The following C12orf50 variants were observed in gnomAD, a reference collection of about 807,000 sequenced individuals.
The protein encoded by C12orf50 is uncharacterized protein C12orf50.
C12orf50 carries 35 observed loss-of-function variants against 61.6 expected under a neutral mutation model. The observed-to-expected ratio is 0.57, with a 90% CI of 0.43 to 0.75. The LOEUF (loss-of-function observed/expected upper bound fraction) is 0.75, where lower values mean the gene tolerates loss of function less well. Among genes scored for constraint, C12orf50 ranks in the 30% least tolerant of loss-of-function variants. The pLI is 0.00. For synonymous variants in C12orf50, 178 were observed against 161.5 expected (o/e 1.10, Z -0.77); for missense variants, 475 against 488.5 (o/e 0.97, Z 0.26).
At chr12:88,008,353 A>T (rs924134393) in intron 3 of C12orf50, among the ~76,000 whole-genome samples, 22 of 152,270 alleles carry the variant, frequency 1.4e-4, no homozygotes, top group African/African-American at 5.3e-4. Flanking sequence ...GCTAAGGATG[A>T]TGGCCTCCAA....
chr12:88,029,785 C>A (rs545937205), upstream of C12orf50, among the ~76,000 whole-genome samples: 1 of 152,072 alleles, frequency 6.6e-6, no homozygotes, highest in Non-Finnish European at 1.5e-5. Context: ...TATGTACTCT[C>A]TACTATCCAT....
chr12:88,011,750 G>C lies in C12orf50; in HGVS notation c.134-13560C>G, dbSNP rs538502337. Among the ~76,000 whole-genome samples the C allele has an allele frequency of 2.6e-5, 4 of 152,222 alleles. No homozygotes were observed. In the East Asian group the frequency reaches 7.7e-4, roughly 29 times the overall value. On this transcript the variant is annotated intron_variant, in intron 3 of 12. Coordinates refer to ENST00000298699, the MANE Select transcript of C12orf50 (RefSeq NM_152589.3). Reference sequence around the variant, plus strand: ...TGGAGTAACTGTAGTACATAGAGAAGGACACCTAGCTCAGAACTAAGGGTT... The same window carrying C: ...TGGAGTAACTGTAGTACATAGAGAACGACACCTAGCTCAGAACTAAGGGTT...
intron 4 of C12orf50, among the ~76,000 whole-genome samples, chr12:87,997,231 T>G (rs1317495713): frequency 6.6e-6 from 1 of 152,140 alleles, no homozygotes; most frequent in African/African-American, 2.4e-5. Flanking sequence ...TTATAGATTA[T>G]TAACTACTAC....
chr12:87,987,823 CA>C (rs2030904669), intron 9 of C12orf50, 26 bp downstream of exon 9: 1 of 1,439,432 alleles, frequency 6.9e-7, no homozygotes, highest in Non-Finnish European at 9.7e-7. Context: ...TATCTGAGGC[CA>C]AAAAGTGATA....
chr12:88,014,330 C>G (rs1363983090), intron 3 of C12orf50, among the ~76,000 whole-genome samples: 1 of 152,020 alleles, frequency 6.6e-6, no homozygotes, highest in African/African-American at 2.4e-5. Context: ...GAGACAGAGT[C>G]TCGCTCTGTT....
intron 8 of C12orf50, among the ~76,000 whole-genome samples, 197 bp from the exon 9 acceptor site, chr12:87,988,163 C>A (rs1397670343): frequency 2.0e-5 from 3 of 151,910 alleles, no homozygotes; most frequent in East Asian, 3.9e-4. Flanking sequence ...AGTAACAAAA[C>A]AAAACTCGGA....
At chr12:88,014,792 A>G (rs2032249647) in intron 3 of C12orf50, among the ~76,000 whole-genome samples, 1 of 152,218 alleles carries the variant, frequency 6.6e-6, no homozygotes, top group Admixed American at 6.5e-5. Flanking sequence ...ATTATCCAGC[A>G]TAGCGCTGCC....
chr12:87,986,231 T>A, intron 10 of C12orf50, 81 bp downstream of exon 10: 1 of 1,263,972 alleles, frequency 7.9e-7, no homozygotes, highest in Non-Finnish European at 1.1e-6. Flanking sequence ...GACAGTAATT[T>A]GTTTTTCAGG....
At chr12:88,025,047 G>A (rs758837494) in intron 3 of C12orf50, among the ~76,000 whole-genome samples, 12 of 151,968 alleles carry the variant, frequency 7.9e-5, no homozygotes, top group Non-Finnish European at 4.4e-5. Flanking sequence ...TTATTGCAAC[G>A]GGAAAAAAAC....
At position 87,983,018 on chromosome 12, in the gene C12orf50, A is replaced by G. The variant is rs34413824; in HGVS notation, c.1219+85T>C. 8.0e-3 allele frequency: 5,741 copies of G among 719,668 alleles called. 260 individuals are homozygous for G. In the African/African-American group the frequency reaches 0.093, roughly 12 times the overall value. 44.6% of individuals were successfully genotyped at this position (719,668 alleles called of 1,614,324 possible). A position where few individuals can be genotyped will look rare whatever the true frequency, so the allele number is the denominator to read the frequency against. On this transcript the variant is annotated intron_variant, in intron 12 of 12. Transcript: ENST00000298699. ...TATCTTGAAATTTTTATTTATCTTC[A>G]TGTTTTCTAAAACACTCCTTGCACT...
chr12:87,999,917 T>C (rs892824714), intron 3 of C12orf50, among the ~76,000 whole-genome samples: 2 of 152,052 alleles, frequency 1.3e-5, no homozygotes, highest in Admixed American at 6.6e-5. Flanking sequence ...GAGGAAAAAG[T>C]CATTCACAAA....
intron 3 of C12orf50, among the ~76,000 whole-genome samples, chr12:88,000,503 C>A (rs1364185524): frequency 6.6e-6 from 1 of 151,690 alleles, no homozygotes; most frequent in Non-Finnish European, 1.5e-5. Flanking sequence ...TTCCATTTTC[C>A]TGATTTTTTT....
chr12:88,026,166 T>C (rs2032699349), intron 3 of C12orf50, among the ~76,000 whole-genome samples: 1 of 152,176 alleles, frequency 6.6e-6, no homozygotes, highest in South Asian at 2.1e-4. Flanking sequence ...AAGCTTGGCT[T>C]CAGTTGTGCG....
rs765651311 is a variant in C12orf50 at position 87,998,051 on chromosome 12, T to G, written c.273A>C (p.Glu91Asp). The G allele has an allele frequency of 2.5e-6, 4 of 1,610,728 alleles. No individual in the cohort carries two copies. The highest frequency in any genetic ancestry group is 2.5e-6 in the Non-Finnish European group (3 of 1,178,442). The change falls in exon 4 of 13, where the codon GAA (glutamate) becomes GAC (aspartate). Residue 91 changes from glutamate to aspartate, a missense_variant. Coordinates refer to ENST00000298699, the MANE Select transcript of C12orf50 (RefSeq NM_152589.3). ...VLKTNFEEEE[E>D]VDEQNDASSL... ...TCTACTAACCATTTTGTTCATCTAC[T>G]TCCTCTTCTTCCTCAAAATTAGTTT...
chr12:87,987,934 G>C lies in C12orf50; in HGVS notation c.733C>G (p.Leu245Val). 2 of 1,610,584 alleles carry C rather than the reference G, an allele frequency of 1.2e-6. No individual in the cohort carries two copies. The highest frequency in any genetic ancestry group is 1.7e-6 in the Non-Finnish European group (2 of 1,177,546). ...NKDSPHPKHS[L>V]TTRLVPTTHV... ...GTTGTAGGTACTAGTCGGGTAGTTA[G>C]GGAATGCTTTGGATGAGGACTGTCC... is the stretch of plus-strand genomic sequence containing the variant. The change falls in exon 9 of 13, where the codon CTA becomes GTA. Residue 245 changes from leucine to valine, a missense_variant. Physicochemically the swap from Leu to Val is conservative, Grantham distance 32. Transcript: ENST00000298699.
At chr12:88,022,775 A>G (rs1226181389) in intron 3 of C12orf50, among the ~76,000 whole-genome samples, 2 of 152,196 alleles carry the variant, frequency 1.3e-5, no homozygotes, top group African/African-American at 4.8e-5. Context: ...AAAGAATAAT[A>G]TATCTAGGAA....
chr12:87,993,882 A>T (rs1467386922), intron 7 of C12orf50, among the ~76,000 whole-genome samples: 1 of 152,172 alleles, frequency 6.6e-6, no homozygotes, highest in African/African-American at 2.4e-5. Flanking sequence ...AATGATATAT[A>T]TTTGAATATA....
chr12:88,018,313 C>A (rs1022919154), intron 3 of C12orf50, among the ~76,000 whole-genome samples: 2 of 152,232 alleles, frequency 1.3e-5, no homozygotes, highest in Non-Finnish European at 2.9e-5. Flanking sequence ...CAAGCCTTGA[C>A]AGCTTCCATG....
At position 88,005,633 on chromosome 12, in the gene C12orf50, AT is replaced by A. The variant is rs770837360; in HGVS notation, c.134-7444del. Among the ~76,000 whole-genome samples the A allele has an allele frequency of 9.2e-5, 14 of 152,186 alleles. No homozygotes were observed. The South Asian group carries it at 1.7e-3, about 18-fold the overall frequency. ...GAACTCTTTTTATTTTATGTTATTT[AT>A]TTTATTTATTTATTTATTTTTTGGA... On this transcript the variant is annotated intron_variant, in intron 3 of 12. Coordinates refer to ENST00000298699, the MANE Select transcript of C12orf50 (RefSeq NM_152589.3).
Sources: gnomAD v4.1 joint callset for allele counts (sites outside exome capture counted in the v4.1 genomes callset) on GRCh38, gnomAD v4.1.1 for gene constraint, MANE v1.5 for transcripts, NCBI Gene and HGNC (gene_info 2026-07-23, HGNC 2026-07-21) for gene names.